Variants in AFMID observed in about 807,000 individuals in gnomAD.
AFMID encodes the protein kynurenine formamidase.
AFMID carries 39 observed loss-of-function variants against 47.5 expected under a neutral mutation model. The observed-to-expected ratio is 0.82, with a 90% CI of 0.64 to 1.07. The LOEUF (loss-of-function observed/expected upper bound fraction) is 1.07, where lower values mean the gene tolerates loss of function less well. Ranked by LOEUF, AFMID falls within the 50% of genes least tolerant of loss-of-function variation. The pLI is 0.00. For missense variants in AFMID, 375 were observed against 387.5 expected (o/e 0.97, Z 0.27); for synonymous variants, 130 against 153.2 (o/e 0.85, Z 1.12).
intron 2 of AFMID, chr17:78,192,696 C>G (rs894558305): frequency 2.3e-5 from 11 of 470,432 alleles, no homozygotes; most frequent in African/African-American, 4.0e-5. Context: ...CCATCTCTAC[C>G]CTGTATCTGC....
In AFMID at chr17:78,202,489, T is replaced by C. The variant is rs779468395; in HGVS notation, c.155-10T>C. ...TTGTGCTGACAGCGACTTGTCCATT[T>C]CTGAGACAGCCACCACAAGGGCCCG... On this transcript the variant is annotated splice_polypyrimidine_tract_variant and intron_variant, in intron 2 of 10. Transcript: ENST00000409257. 1.2e-6 allele frequency: 2 copies of C among 1,613,784 alleles called. No homozygotes were observed. Among genetic ancestry groups the C allele is most frequent in the Non-Finnish European group, 8.5e-7 (1 of 1,179,738 alleles).
At chr17:78,188,787 T>C (rs987523336) in intron 1 of AFMID, among the ~76,000 whole-genome samples, 7 of 151,944 alleles carry the variant, frequency 4.6e-5, no homozygotes, top group East Asian at 1.9e-4. Context: ...TTAGTAGAGA[T>C]GGGGTTTCAC....
intron 2 of AFMID, among the ~76,000 whole-genome samples, chr17:78,198,639 C>G (rs1325058024): frequency 1.7e-5 from 2 of 116,740 alleles, no homozygotes; most frequent in Admixed American, 8.9e-5. Flanking sequence ...AGCTCTGTCT[C>G]AAAAAAAAAA....
intron 2 of AFMID, among the ~76,000 whole-genome samples, chr17:78,201,676 G>A (rs1006649824): frequency 2.6e-5 from 4 of 152,066 alleles, no homozygotes; most frequent in Non-Finnish European, 4.4e-5. Flanking sequence ...TAGTAAAGTC[G>A]TGCTGAAAAG....
chr17:78,204,691 C>T lies in AFMID; in HGVS notation c.344C>T (p.Thr115Met), dbSNP rs771105807. The change falls in exon 5 of 11, where the codon ACG becomes ATG. Residue 115 changes from threonine to methionine, a missense_variant. Thr to Met is a moderately conservative substitution (Grantham distance 81, BLOSUM62 -1). Coordinates refer to ENST00000409257, the MANE Select transcript of AFMID (RefSeq NM_001010982.5). ...TCTGCCTTCATGGTCCACCCGCTGA[C>T]GGCACAGGGAGTGGCCGTGGTAATA... ...DESAFMVHPL[T>M]AQGVAVVIVA... 2.7e-5 allele frequency: 44 copies of T among 1,614,076 alleles called. No homozygotes were observed. Among genetic ancestry groups the T allele is most frequent in the Middle Eastern group, 1.6e-4 (1 of 6,084 alleles).
intron 2 of AFMID, among the ~76,000 whole-genome samples, chr17:78,195,505 G>GTTT (rs1302498783): frequency 7.4e-6 from 1 of 134,826 alleles, no homozygotes; most frequent in Non-Finnish European, 1.6e-5. Flanking sequence ...CTGCAGTCCT[G>GTTT]TTTTTTTTTT....
Position 78,187,491 on chromosome 17 carries a change from A to T in AFMID, c.63+58A>T, listed in dbSNP as rs2467573. ...GGGGCGGAGTTAGCTCATTTATTAGATTGGAATTCCAAGAAGGAAGCTTAG... is the reference window on the plus strand; with the variant it reads ...GGGGCGGAGTTAGCTCATTTATTAGTTTGGAATTCCAAGAAGGAAGCTTAG... On this transcript the variant is annotated intron_variant, in intron 1 of 10. Transcript: ENST00000409257. The T allele has an allele frequency of 3.8e-3, 6,018 of 1,598,184 alleles. 147 individuals are homozygous for T. The African/African-American group carries it at 0.057, about 15-fold the overall frequency.
Position 78,206,914 on chromosome 17 carries a change from A to G in AFMID, c.889A>G (p.Ile297Val), listed in dbSNP as rs779933135. 16 of 1,613,920 alleles carry G rather than the reference A, an allele frequency of 9.9e-6. 1 individual carries two copies. Among genetic ancestry groups the G allele is most frequent in the Admixed American group, 1.7e-5 (1 of 59,978 alleles). ...GTGTCTTCTCTTCCTGTTCCAGATTATCTTGAAAACAATCTTCCAGTAGTT... is the reference window on the plus strand; with the variant it reads ...GTGTCTTCTCTTCCTGTTCCAGATTGTCTTGAAAACAATCTTCCAGTAGTT... ...TQKDNVLTQI[I>V]LKTIFQ Residue 297 changes from isoleucine (I) to valine (V), a missense_variant, in exon 11 of 11, where the codon ATC (isoleucine) becomes GTC (valine). Coordinates refer to ENST00000409257, the MANE Select transcript of AFMID (RefSeq NM_001010982.5).
At chr17:78,198,639 CA>C (rs57503318) in intron 2 of AFMID, among the ~76,000 whole-genome samples, 6,311 of 116,492 alleles carry the variant, frequency 0.054, 120 homozygotes, top group Middle Eastern at 0.066. Context: ...AGCTCTGTCT[CA>C]AAAAAAAAAA....
intron 2 of AFMID, among the ~76,000 whole-genome samples, chr17:78,201,202 G>T (rs532963885): frequency 6.7e-6 from 1 of 149,018 alleles, no homozygotes; most frequent in Non-Finnish European, 1.5e-5. Context: ...GCTAAGGCAC[G>T]AGAATTGCTG....
At chr17:78,190,916 G>A in intron 1 of AFMID, 54 bp from the exon 2 acceptor site, 1 of 1,533,026 alleles carries the variant, frequency 6.5e-7, no homozygotes, top group Non-Finnish European at 9.0e-7. Flanking sequence ...AGGGGGAGGG[G>A]CACACTCTGT....
rs113582397 is a variant in AFMID at position 78,199,364 on chromosome 17, C to T, written c.155-3135C>T. Among the ~76,000 whole-genome samples, 505 of 148,824 alleles carry T rather than the reference C, an allele frequency of 3.4e-3. 7 individuals carry two copies. The highest frequency in any genetic ancestry group is 0.012 in the African/African-American group (482 of 39,638). ...ATGAATCACCCACCCGAGGGAAGCACGGTTGTTTTTTTTTTTCTTTTCTTT... is the reference window on the plus strand; with the variant it reads ...ATGAATCACCCACCCGAGGGAAGCATGGTTGTTTTTTTTTTTCTTTTCTTT... On this transcript the variant is annotated intron_variant, in intron 2 of 10. Coordinates refer to ENST00000409257, the MANE Select transcript of AFMID (RefSeq NM_001010982.5).
intron 1 of AFMID, among the ~76,000 whole-genome samples, chr17:78,188,545 G>A (rs536445823): frequency 3.6e-4 from 54 of 151,824 alleles, no homozygotes; most frequent in African/African-American, 4.6e-4. Context: ...TCAGCCTCCC[G>A]AGTGGCTGGG....
At position 78,207,094 on chromosome 17, in the gene AFMID, G is replaced by A; in HGVS notation, c.*157G>A. 1.3e-6 allele frequency: 1 copy of A among 777,226 alleles called. No homozygotes were observed. The highest frequency in any genetic ancestry group is 2.2e-6 in the Non-Finnish European group (1 of 457,824). 48.1% of individuals were successfully genotyped at this position (777,226 alleles called of 1,614,324 possible). Reference sequence around the variant, plus strand: ...CGGCAAGAGTCCATTCTCACTGCTGGGACACTCATGAAAATCTCCACGTCC... The same window carrying A: ...CGGCAAGAGTCCATTCTCACTGCTGAGACACTCATGAAAATCTCCACGTCC... On this transcript the variant is annotated 3_prime_UTR_variant, in exon 11 of 11. Coordinates refer to ENST00000409257, the MANE Select transcript of AFMID (RefSeq NM_001010982.5).
At chr17:78,194,168 TG>T in intron 2 of AFMID, among the ~76,000 whole-genome samples, 1 of 151,296 alleles carries the variant, frequency 6.6e-6, no homozygotes, top group Non-Finnish European at 1.5e-5. Flanking sequence ...TGGAGTGCAG[TG>T]GCGTGATTTT....
intron 1 of AFMID, 112 bp downstream of exon 1, chr17:78,187,545 G>A: frequency 8.2e-7 from 1 of 1,222,734 alleles, no homozygotes; most frequent in Non-Finnish European, 1.2e-6. Context: ...CTGTGGGCAT[G>A]CAGAGCGCCT....
intron 2 of AFMID, among the ~76,000 whole-genome samples, chr17:78,198,885 C>T (rs1407116203): frequency 4.6e-5 from 7 of 152,170 alleles, no homozygotes; most frequent in Admixed American, 3.9e-4. Flanking sequence ...TCTTCCCTTT[C>T]GTGTGCCCAG....
intron 2 of AFMID, among the ~76,000 whole-genome samples, chr17:78,200,536 C>T (rs748762048): frequency 7.2e-5 from 11 of 152,164 alleles, no homozygotes; most frequent in Non-Finnish European, 1.0e-4. Context: ...ATGCCATTGA[C>T]TGCTATCCTG....
rs111870199 is a variant in AFMID at position 78,187,692 on chromosome 17, C to T, written c.63+259C>T. 0.036 allele frequency among the ~76,000 whole-genome samples: 5,509 copies of T among 152,076 alleles called. 251 individuals carry two copies. Among genetic ancestry groups the T allele is most frequent in the East Asian group, 0.23 (1,192 of 5,118 alleles). Reference sequence around the variant, plus strand: ...AATAATATCCGTAGACCCTGCCAGGCGTGGCGGCTCACACCTGTAATCCTA... The same window carrying T: ...AATAATATCCGTAGACCCTGCCAGGTGTGGCGGCTCACACCTGTAATCCTA... On this transcript the variant is annotated intron_variant, in intron 1 of 10. Transcript: ENST00000409257.
Sources: gnomAD v4.1 joint callset for allele counts (sites outside exome capture counted in the v4.1 genomes callset) on GRCh38, gnomAD v4.1.1 for gene constraint, MANE v1.5 for transcripts, NCBI Gene and HGNC (gene_info 2026-07-23, HGNC 2026-07-21) for gene names.